OR5A1: variants seen among roughly 807,000 people sequenced by gnomAD.
The protein encoded by OR5A1 is olfactory receptor family 5 subfamily A member 1, also known as olfactory receptor 5A1.
Under a neutral mutation model 6.7 loss-of-function variants are expected in OR5A1, and 6 were observed. The observed-to-expected ratio is 0.89, with a 90% CI of 0.49 to 1.76. The LOEUF is 1.76. OR5A1 is among the 40% of genes most tolerant of loss of function. The probability of loss-of-function intolerance (pLI) is 0.01; values close to 1 mark genes in which losing one functional copy is unlikely to be tolerated. For missense variants in OR5A1, 378 were observed against 381.7 expected (o/e 0.99, Z 0.08); for synonymous variants, 170 against 155.0 (o/e 1.10, Z -0.72).
Position 59,443,141 on chromosome 11 carries a change from C to A in OR5A1, c.-28C>A. 1 of 1,562,992 alleles carries A rather than the reference C, an allele frequency of 6.4e-7. No homozygotes were observed. Among genetic ancestry groups the A allele is most frequent in the Non-Finnish European group, 8.8e-7 (1 of 1,136,604 alleles). ...GACTGTCATTACTATCCCAGGTCTGCATCTTGTCCTTGTGGTCCACGGGAA... is the reference window on the plus strand; with the variant it reads ...GACTGTCATTACTATCCCAGGTCTGAATCTTGTCCTTGTGGTCCACGGGAA... On this transcript the variant is annotated 5_prime_UTR_variant, in exon 2 of 2. Transcript: ENST00000641045.
chr11:59,448,980 A>G lies in OR5A1; in HGVS notation c.*4864A>G, dbSNP rs1190258961. 1.3e-5 allele frequency: 2 copies of G among 152,096 alleles called. No individual in the cohort carries two copies. Among genetic ancestry groups the G allele is most frequent in the Non-Finnish European group, 2.9e-5 (2 of 68,024 alleles). The allele number at this position is 152,096 out of a possible 1,614,324, so 9.4% of individuals were successfully genotyped here. The stretch of plus-strand genomic sequence containing the variant: ...GAAGGAGCCTTTGGAGATTCCTCAG[A>G]CTTCCCTGTACACAGTTTCATCACC... On this transcript the variant is annotated 3_prime_UTR_variant, in exon 2 of 2. Transcript: ENST00000641045.
At chr11:59,441,373 T>A (rs1858479031) in intron 1 of OR5A1, among the ~76,000 whole-genome samples, 1 of 152,226 alleles carries the variant, frequency 6.6e-6, no homozygotes, top group Admixed American at 6.5e-5. Flanking sequence ...AGGAACATGA[T>A]TTTTTGTTTC....
At chr11:59,441,825 T>C (rs754081055) in intron 1 of OR5A1, among the ~76,000 whole-genome samples, 4 of 152,160 alleles carry the variant, frequency 2.6e-5, no homozygotes, top group African/African-American at 4.8e-5. Flanking sequence ...CAACAAATAC[T>C]TATAGAACAG....
At chr11:59,441,995 A>G (rs1436801108) in intron 1 of OR5A1, among the ~76,000 whole-genome samples, 2 of 151,738 alleles carry the variant, frequency 1.3e-5, no homozygotes, top group African/African-American at 2.4e-5. Flanking sequence ...TAGATGATAG[A>G]TGATAATTAG....
At position 59,443,306 on chromosome 11, in the gene OR5A1, G is replaced by A; in HGVS notation, c.138G>A (p.Leu46=). ...ATCTTACCACCCTGGCCTGGAACCT[G>A]GCCCTCATTTTTCTGATCAGAGGTG... is the stretch of plus-strand genomic sequence containing the variant. The part of the protein sequence containing the change: ...GIYLTTLAWN[L]ALIFLIRGDT... The change falls in exon 2 of 2, where the codon CTG becomes CTA. Residue 46 remains leucine, a synonymous_variant. Coordinates refer to ENST00000641045, the MANE Select transcript of OR5A1 (RefSeq NM_001004728.2). 1 of 1,613,758 alleles carries A rather than the reference G, an allele frequency of 6.2e-7. No individual in the cohort carries two copies. The highest frequency in any genetic ancestry group is 1.1e-5 in the South Asian group (1 of 91,062).
At position 59,445,146 on chromosome 11, in the gene OR5A1, C is replaced by T. The variant is rs1211899432; in HGVS notation, c.*1030C>T. 1.3e-5 allele frequency: 2 copies of T among 152,132 alleles called. No individual in the cohort carries two copies. Among genetic ancestry groups the T allele is most frequent in the South Asian group, 2.1e-4 (1 of 4,818 alleles). The allele number at this position is 152,132 out of a possible 1,614,324, so 9.4% of individuals were successfully genotyped here. On this transcript the variant is annotated 3_prime_UTR_variant, in exon 2 of 2. Transcript: ENST00000641045. ...AGCCCCACATCCGTTAGCTATTTAT[C>T]CCGATGCTCTCCCTCCTCCCTGCCT...
In OR5A1 at chr11:59,447,994, T is replaced by C. The variant is rs191840160; in HGVS notation, c.*3878T>C. 2.0e-5 allele frequency: 3 copies of C among 152,274 alleles called. No individual in the cohort carries two copies. Among genetic ancestry groups the C allele is most frequent in the Non-Finnish European group, 2.9e-5 (2 of 68,030 alleles). 9.4% of individuals were successfully genotyped at this position (152,274 alleles called of 1,614,324 possible). A position where few individuals can be genotyped will look rare whatever the true frequency, so the allele number is the denominator to read the frequency against. On this transcript the variant is annotated 3_prime_UTR_variant, in exon 2 of 2. Transcript: ENST00000641045. ...AATCTTTTGGCTTCCCTGGGCAACA[T>C]TGGAAGAATTTGTCTTGGGCCACAC...
chr11:59,439,950 G>T (rs1437254179), intron 1 of OR5A1, among the ~76,000 whole-genome samples: 4 of 152,194 alleles, frequency 2.6e-5, no homozygotes, highest in Admixed American at 1.3e-4. Context: ...AATAGTTGCT[G>T]CTGATAACAA....
rs977405957 is a variant in OR5A1 at position 59,449,514 on chromosome 11, C to T, written c.*5398C>T. The T allele has an allele frequency of 1.9e-4, 29 of 152,130 alleles. No homozygotes were observed. The highest frequency in any genetic ancestry group is 7.0e-4 in the African/African-American group (29 of 41,414). The allele number at this position is 152,130 out of a possible 1,614,324, so 9.4% of individuals were successfully genotyped here. A position where few individuals can be genotyped will look rare whatever the true frequency, so the allele number is the denominator to read the frequency against. ...TAAGGTAATTTTTCAAAAATTAAAA[C>T]TCATTCCATAAACATTACTAAGCCC... On this transcript the variant is annotated 3_prime_UTR_variant, in exon 2 of 2. Coordinates refer to ENST00000641045, the MANE Select transcript of OR5A1 (RefSeq NM_001004728.2).
chr11:59,446,416 TG>T lies in OR5A1; in HGVS notation c.*2301del, dbSNP rs752950795. ...TGTAGTATAGTTTGAAGTCAGGGAGTGTAATGCCTCCGGCTTTGTTCTTTTT... is the reference window on the plus strand; with the variant it reads ...TGTAGTATAGTTTGAAGTCAGGGAGTTAATGCCTCCGGCTTTGTTCTTTTT... On this transcript the variant is annotated 3_prime_UTR_variant, in exon 2 of 2. Coordinates refer to ENST00000641045, the MANE Select transcript of OR5A1 (RefSeq NM_001004728.2). 6.6e-6 allele frequency: 1 copy of T among 152,164 alleles called. No individual in the cohort carries two copies. The highest frequency in any genetic ancestry group is 1.5e-5 in the Non-Finnish European group (1 of 68,046). The allele number at this position is 152,164 out of a possible 1,614,324, so 9.4% of individuals were successfully genotyped here. A position where few individuals can be genotyped will look rare whatever the true frequency, so the allele number is the denominator to read the frequency against.
rs771925977 is a variant in OR5A1, at chr11:59,443,479, T to A, written c.311T>A (p.Phe104Tyr). The A allele has an allele frequency of 1.9e-5, 30 of 1,613,964 alleles. No homozygotes were observed. Among genetic ancestry groups the A allele is most frequent in the Admixed American group, 1.7e-5 (1 of 60,006 alleles). The change falls in exon 2 of 2, where the codon TTT (phenylalanine) becomes TAT (tyrosine). Residue 104 changes from phenylalanine (F) to tyrosine (Y), a missense_variant. Coordinates refer to ENST00000641045, the MANE Select transcript of OR5A1 (RefSeq NM_001004728.2). Reference sequence around the variant, plus strand: ...TCATTTGTGGGCTGTGCTGCTCAGTTTTTTTTCTTTGTCGGCATGGGTCTG... The same window carrying A: ...TCATTTGTGGGCTGTGCTGCTCAGTATTTTTTCTTTGTCGGCATGGGTCTG... ...TISFVGCAAQ[F>Y]FFFVGMGLSE...
chr11:59,436,958 C>G (rs935742865), intron 1 of OR5A1, 123 bp downstream of exon 1: 8 of 152,164 alleles, frequency 5.3e-5, no homozygotes, highest in Non-Finnish European at 1.2e-4. Context: ...CTCCCTGCAC[C>G]TCTCAATGCT....
At chr11:59,441,981 TAGATAGA>T (rs1565074765) in intron 1 of OR5A1, among the ~76,000 whole-genome samples, 24 of 137,730 alleles carry the variant, frequency 1.7e-4, no homozygotes, top group Admixed American at 5.3e-4. Flanking sequence ...GATAGATAGA[TAGATAGA>T]TGATAGATGA....
Position 59,445,509 on chromosome 11 carries a change from C to T in OR5A1, c.*1393C>T, listed in dbSNP as rs1052439200. The T allele has an allele frequency of 1.4e-4, 22 of 152,004 alleles. No individual in the cohort carries two copies. Among genetic ancestry groups the T allele is most frequent in the Admixed American group, 6.5e-5 (1 of 15,278 alleles). The allele number at this position is 152,004 out of a possible 1,614,324, so 9.4% of individuals were successfully genotyped here. Reference sequence around the variant, plus strand: ...ATTTATAATAGAATTATTTATATTCCTTTGGATATATACCCAGTAATAAGA... The same window carrying T: ...ATTTATAATAGAATTATTTATATTCTTTTGGATATATACCCAGTAATAAGA... On this transcript the variant is annotated 3_prime_UTR_variant, in exon 2 of 2. Coordinates refer to ENST00000641045, the MANE Select transcript of OR5A1 (RefSeq NM_001004728.2).
rs1295701223 is a variant in OR5A1 at position 59,447,169 on chromosome 11, A to C, written c.*3053A>C. The stretch of plus-strand genomic sequence containing the variant: ...ATGGCTCCTGAGACTAAACTCATAA[A>C]CACTTTGTGACATTTCCCCCAAGTG... On this transcript the variant is annotated 3_prime_UTR_variant, in exon 2 of 2. Transcript: ENST00000641045. The C allele has an allele frequency of 6.6e-6, 1 of 152,178 alleles. No homozygotes were observed. Among genetic ancestry groups the C allele is most frequent in the Non-Finnish European group, 1.5e-5 (1 of 68,022 alleles). The allele number at this position is 152,178 out of a possible 1,614,324, so 9.4% of individuals were successfully genotyped here.
chr11:59,443,672 G>T lies in OR5A1; in HGVS notation c.504G>T (p.Arg168Ser), dbSNP rs1180728556. ...TGATCCAGGCCAGCTCCATATTTAG[G>T]CTTCACTTTTGCGGACCCAACATCA... ...SSLIQASSIF[R>S]LHFCGPNIIN... The change falls in exon 2 of 2, where the codon AGG (arginine) becomes AGT (serine). Residue 168 changes from arginine to serine, a missense_variant. Physicochemically the swap from Arg to Ser is moderately radical, Grantham distance 110. Coordinates refer to ENST00000641045, the MANE Select transcript of OR5A1 (RefSeq NM_001004728.2). The T allele has an allele frequency of 2.5e-6, 4 of 1,614,024 alleles. No homozygotes were observed. In the Admixed American group the frequency reaches 5.0e-5, roughly 20 times the overall value.
chr11:59,439,158 C>T (rs1021539812), intron 1 of OR5A1, among the ~76,000 whole-genome samples: 1 of 152,144 alleles, frequency 6.6e-6, no homozygotes, highest in African/African-American at 2.4e-5. Context: ...AATTTTGTTA[C>T]AAAGTTTAAC....
chr11:59,443,927 G>A lies in OR5A1; in HGVS notation c.759G>A (p.Leu253=), dbSNP rs961244460. ...CCTCGCATCTGATGGTGGTGACTCTGCTGTTTGGGACAGCCCTTTTCGTGT... is the reference window on the plus strand; with the variant it reads ...CCTCGCATCTGATGGTGGTGACTCTACTGTTTGGGACAGCCCTTTTCGTGT... The part of the protein sequence containing the change: ...TCASHLMVVT[L]LFGTALFVYL... The change falls in exon 2 of 2, where the codon CTG becomes CTA. Residue 253 remains leucine, a synonymous_variant. Transcript: ENST00000641045. 6.2e-7 allele frequency: 1 copy of A among 1,614,096 alleles called. No homozygotes were observed. Among genetic ancestry groups the A allele is most frequent in the African/African-American group, 1.3e-5 (1 of 74,996 alleles).
chr11:59,442,382 C>T (rs953449343), intron 1 of OR5A1, among the ~76,000 whole-genome samples: 6 of 151,952 alleles, frequency 3.9e-5, no homozygotes, highest in African/African-American at 7.3e-5. Context: ...GCGGAGGTTG[C>T]GGTGACCTGA....
Sources: gnomAD v4.1 joint callset for allele counts (sites outside exome capture counted in the v4.1 genomes callset) on GRCh38, gnomAD v4.1.1 for gene constraint, MANE v1.5 for transcripts, NCBI Gene and HGNC (gene_info 2026-07-23, HGNC 2026-07-21) for gene names.